Variants in WWOX observed in about 807,000 individuals in gnomAD.
WWOX encodes the protein WW domain-containing oxidoreductase.
WWOX carries 69 observed loss-of-function variants against 46.2 expected under a neutral mutation model. The ratio of observed to expected loss-of-function variants is 1.49; its 90% CI spans 1.23 to 1.82. The LOEUF is 1.82. WWOX is among the 40% of genes most tolerant of loss of function. The pLI, the probability that WWOX is intolerant of heterozygous loss-of-function variation, is 0.00. For missense variants in WWOX, 919 were observed against 542.6 expected (o/e 1.69, Z -6.89); for synonymous variants, 359 against 202.6 (o/e 1.77, Z -6.56).
At chr16:78,361,723 C>T (rs62033457) in intron 5 of WWOX, among the ~76,000 whole-genome samples, 8,688 of 152,098 alleles carry the variant, frequency 0.057, 329 homozygotes, top group Middle Eastern at 0.12. Flanking sequence ...GCGATTCTCC[C>T]GTCTCAGCCT....
chr16:79,210,524 G>C (rs1286411959), intron 8 of WWOX, among the ~76,000 whole-genome samples: 1 of 152,074 alleles, frequency 6.6e-6, no homozygotes, highest in African/African-American at 2.4e-5. Context: ...TTGTGGGGGC[G>C]AGCTTATCTT....
chr16:78,924,870 C>T (rs900518035), intron 8 of WWOX, among the ~76,000 whole-genome samples: 1 of 152,104 alleles, frequency 6.6e-6, no homozygotes, highest in African/African-American at 2.4e-5. Flanking sequence ...GGCTCTAGCA[C>T]ACAGTGTGCT....
intron 8 of WWOX, among the ~76,000 whole-genome samples, chr16:78,703,447 C>G (rs1018757469): frequency 4.8e-5 from 5 of 104,518 alleles, no homozygotes; most frequent in African/African-American, 2.6e-4. Context: ...GACTCTGTCT[C>G]TACACATTTT....
intron 8 of WWOX, among the ~76,000 whole-genome samples, chr16:78,462,921 G>T (rs1365020375): frequency 6.6e-6 from 1 of 152,134 alleles, no homozygotes; most frequent in African/African-American, 2.4e-5. Flanking sequence ...CACCCCTTAG[G>T]ACATACTACA....
intron 5 of WWOX, among the ~76,000 whole-genome samples, chr16:78,169,627 ATTTCTAAATTTTAG>A (rs970722867): frequency 2.6e-5 from 4 of 151,688 alleles, no homozygotes; most frequent in African/African-American, 9.7e-5. Context: ...TTTCTATTAG[ATTTCTAAATTTTAG>A]TTTCTAAATT....
intron 8 of WWOX, among the ~76,000 whole-genome samples, chr16:78,731,182 C>T (rs188227563): frequency 5.3e-5 from 8 of 152,144 alleles, no homozygotes; most frequent in African/African-American, 1.9e-4. Context: ...CAACTGAGAC[C>T]GTGGCTAATA....
At chr16:78,662,216 A>T (rs2047230189) in intron 8 of WWOX, among the ~76,000 whole-genome samples, 1 of 152,144 alleles carries the variant, frequency 6.6e-6, no homozygotes. Context: ...TGAGGTTTGT[A>T]TAACCGAGGC....
At chr16:78,786,084 A>G (rs1002604111) in intron 8 of WWOX, among the ~76,000 whole-genome samples, 2 of 151,892 alleles carry the variant, frequency 1.3e-5, no homozygotes, top group Non-Finnish European at 2.9e-5. Context: ...TTGTTTTTGA[A>G]TTTTTAGTAG....
intron 8 of WWOX, among the ~76,000 whole-genome samples, chr16:78,978,307 C>T (rs1232683116): frequency 6.6e-6 from 1 of 152,180 alleles, no homozygotes; most frequent in African/African-American, 2.4e-5. Context: ...TGAATAATTG[C>T]ATATGAGTAT....
At chr16:78,413,304 C>G (rs938371355) in intron 6 of WWOX, among the ~76,000 whole-genome samples, 1 of 152,102 alleles carries the variant, frequency 6.6e-6, no homozygotes, top group Non-Finnish European at 1.5e-5. Flanking sequence ...GACCACCAAA[C>G]AGGGTTTGTG....
intron 8 of WWOX, among the ~76,000 whole-genome samples, chr16:79,094,543 C>T (rs1021258806): frequency 1.3e-5 from 2 of 152,176 alleles, no homozygotes; most frequent in Non-Finnish European, 2.9e-5. Context: ...TGAGCCACCG[C>T]ACCAGGCCAT....
At chr16:78,974,451 CA>C (rs1328970522) in intron 8 of WWOX, among the ~76,000 whole-genome samples, 1 of 152,152 alleles carries the variant, frequency 6.6e-6, no homozygotes, top group Non-Finnish European at 1.5e-5. Context: ...CCTCAAGTTC[CA>C]CAACAAAATG....
intron 8 of WWOX, among the ~76,000 whole-genome samples, chr16:78,760,674 G>A (rs1176137829): frequency 6.6e-6 from 1 of 152,170 alleles, no homozygotes; most frequent in Non-Finnish European, 1.5e-5. Flanking sequence ...CAGACGGCTT[G>A]TCTCAAGCTG....
chr16:78,876,736 G>C (rs531994959), intron 8 of WWOX, among the ~76,000 whole-genome samples: 1 of 152,114 alleles, frequency 6.6e-6, no homozygotes, highest in Admixed American at 6.5e-5. Context: ...TTTTATCTCA[G>C]AAAATTAACT....
chr16:78,424,791 C>G (rs996692455), intron 6 of WWOX, 79 bp from the exon 7 acceptor site: 5 of 1,501,736 alleles, frequency 3.3e-6, no homozygotes, highest in African/African-American at 1.4e-5. Context: ...GTCCACATCA[C>G]GTGGATTCCC....
chr16:78,654,947 A>G (rs541764501), intron 8 of WWOX, among the ~76,000 whole-genome samples: 1 of 152,246 alleles, frequency 6.6e-6, no homozygotes, highest in East Asian at 1.9e-4. Flanking sequence ...TTAATTAAAC[A>G]TTGATCATCT....
intron 6 of WWOX, among the ~76,000 whole-genome samples, chr16:78,422,752 T>C (rs550140322): frequency 9.8e-5 from 10 of 101,588 alleles, no homozygotes; most frequent in African/African-American, 6.4e-4. Flanking sequence ...TATATACACA[T>C]ATATACACAT....
intron 8 of WWOX, among the ~76,000 whole-genome samples, chr16:78,636,998 C>T (rs192901765): frequency 3.3e-5 from 5 of 152,290 alleles, no homozygotes; most frequent in African/African-American, 4.8e-5. Context: ...GAGGCAAGTG[C>T]GCATTTGAGA....
intron 8 of WWOX, among the ~76,000 whole-genome samples, chr16:78,846,778 T>G (rs1479720684): frequency 6.6e-6 from 1 of 152,198 alleles, no homozygotes; most frequent in African/African-American, 2.4e-5. Flanking sequence ...TTAGCATCCC[T>G]CTGGGGATCT....
Sources: gnomAD v4.1 joint callset for allele counts (sites outside exome capture counted in the v4.1 genomes callset) on GRCh38, gnomAD v4.1.1 for gene constraint, MANE v1.5 for transcripts, NCBI Gene and HGNC (gene_info 2026-07-23, HGNC 2026-07-21) for gene names.